Variants in DDX42 observed in about 807,000 individuals in gnomAD.
The protein encoded by DDX42 is DEAD-box helicase 42.
DDX42 carries 22 observed loss-of-function variants against 101.5 expected under a neutral mutation model. That is an observed-to-expected ratio of 0.22 (90% CI 0.15 to 0.31). The LOEUF is 0.31. DDX42 is among the 10% of genes least tolerant of loss of function. DDX42 has a pLI of 1.00. For synonymous variants in DDX42, 402 were observed against 401.2 expected (o/e 1.00, Z -0.02); for missense variants, 849 against 1,199.9 (o/e 0.71, Z 4.32).
chr17:63,801,176 G>T (rs181053509), intron 6 of DDX42, among the ~76,000 whole-genome samples: 315 of 151,582 alleles, frequency 2.1e-3, no homozygotes, highest in African/African-American at 7.3e-3. Context: ...CAGCCTCCTG[G>T]GTAACTGGGA....
intron 2 of DDX42, among the ~76,000 whole-genome samples, chr17:63,788,378 C>A (rs2039576387): frequency 1.4e-5 from 2 of 146,638 alleles, no homozygotes; most frequent in African/African-American, 5.1e-5. Context: ...GCGATCTTGG[C>A]TCACTGCAAC....
At chr17:63,800,718 G>A in intron 6 of DDX42, 101 bp downstream of exon 6, 1 of 1,400,294 alleles carries the variant, frequency 7.1e-7, no homozygotes, top group Non-Finnish European at 9.8e-7. Flanking sequence ...CTTACATCAT[G>A]AGCGTATGCA....
chr17:63,785,660 G>T (rs982122016), intron 1 of DDX42, among the ~76,000 whole-genome samples: 1 of 151,510 alleles, frequency 6.6e-6, no homozygotes, highest in African/African-American at 2.4e-5. Context: ...GTAAGGTATT[G>T]TTTGTAAATT....
At chr17:63,815,731 T>A in intron 16 of DDX42, 58 bp downstream of exon 16, 2 of 1,227,220 alleles carry the variant, frequency 1.6e-6, no homozygotes, top group Non-Finnish European at 2.3e-6. Context: ...CTGAAAGTCA[T>A]TAGGAATATT....
chr17:63,799,221 A>AT lies in DDX42; in HGVS notation c.435-358dup, dbSNP rs372482810. 1.4e-4 allele frequency among the ~76,000 whole-genome samples: 21 copies of AT among 150,558 alleles called. No individual in the cohort carries two copies. In the South Asian group the frequency reaches 2.3e-3, roughly 17 times the overall value. ...CTTTCTAGTATATGCCAAATACAAGATTTTTTTTTTCTTTTTAGTATGAAA... is the reference window on the plus strand; with the variant it reads ...CTTTCTAGTATATGCCAAATACAAGATTTTTTTTTTTCTTTTTAGTATGAAA... On this transcript the variant is annotated intron_variant, in intron 4 of 17. Coordinates refer to ENST00000389924, the MANE Select transcript of DDX42 (RefSeq NM_203499.3).
chr17:63,807,696 G>A (rs779410079), intron 8 of DDX42, 28 bp from the exon 9 acceptor site: 5 of 1,587,758 alleles, frequency 3.1e-6, no homozygotes, highest in South Asian at 2.3e-5. Flanking sequence ...TGAAATTTTA[G>A]AGTGGTTATA....
rs781775890 is a variant in DDX42, at chr17:63,818,083, C to T, written c.2502C>T (p.His834=). The change falls in exon 18 of 18, where the codon CAC becomes CAT. Residue 834 remains histidine, a synonymous_variant. Transcript: ENST00000389924. ...TGNRHSDSPR[H]GDGGRHGDGY... ...ATCGGCATAGCGATAGTCCACGTCA[C>T]GGAGATGGTGGTCGCCATGGAGATG... The T allele has an allele frequency of 8.1e-6, 13 of 1,613,892 alleles. No homozygotes were observed. Among genetic ancestry groups the T allele is most frequent in the Middle Eastern group, 3.3e-4 (2 of 6,062 alleles).
chr17:63,817,505 A>T, intron 17 of DDX42, 189 bp from the exon 18 acceptor site: 3 of 589,674 alleles, frequency 5.1e-6, no homozygotes, highest in Non-Finnish European at 8.9e-6. Flanking sequence ...CCATCTCTCC[A>T]CAGAGATCCA....
intron 2 of DDX42, among the ~76,000 whole-genome samples, chr17:63,790,917 G>C (rs1476164757): frequency 6.6e-6 from 1 of 152,060 alleles, no homozygotes; most frequent in Non-Finnish European, 1.5e-5. Context: ...TGGGCGACAG[G>C]GCGAGGCTGT....
intron 4 of DDX42, 113 bp from the exon 5 acceptor site, chr17:63,799,476 T>A (rs763752832): frequency 2.7e-6 from 3 of 1,108,784 alleles, no homozygotes; most frequent in Non-Finnish European, 4.0e-6. Flanking sequence ...TTTGTTATTA[T>A]TAGTGTTGAG....
At position 63,790,279 on chromosome 17, in the gene DDX42, C is replaced by A. The variant is rs186308709; in HGVS notation, c.222-2133C>A. On this transcript the variant is annotated intron_variant, in intron 2 of 17. Coordinates refer to ENST00000389924, the MANE Select transcript of DDX42 (RefSeq NM_203499.3). ...ATATAGCGTGAGTATGCTATTGCTA[C>A]ATTAGTATACATAACAGTTACTATA... Among the ~76,000 whole-genome samples the A allele has an allele frequency of 7.5e-4, 114 of 152,240 alleles. 2 individuals are homozygous for A. The highest frequency in any genetic ancestry group is 2.7e-3 in the African/African-American group (111 of 41,526).
rs1198946645 is a variant in DDX42, at chr17:63,792,401, C to T, written c.222-11C>T. ...AGCATTCACTTTACCAGTTTGCTTT[C>T]TAATTCTCAGCTATTTTGAAGATGA... On this transcript the variant is annotated splice_polypyrimidine_tract_variant and intron_variant, in intron 2 of 17. Transcript: ENST00000389924. 1 of 1,608,850 alleles carries T rather than the reference C, an allele frequency of 6.2e-7. No individual in the cohort carries two copies. The highest frequency in any genetic ancestry group is 8.5e-7 in the Non-Finnish European group (1 of 1,177,450).
chr17:63,797,212 G>A (rs527521051), intron 3 of DDX42, among the ~76,000 whole-genome samples: 1 of 152,172 alleles, frequency 6.6e-6, no homozygotes, highest in African/African-American at 2.4e-5. Context: ...TTAGCTGGAT[G>A]TGGTGGCTCA....
chr17:63,778,160 A>G (rs1042598121), intron 1 of DDX42, among the ~76,000 whole-genome samples: 4 of 152,104 alleles, frequency 2.6e-5, no homozygotes, highest in African/African-American at 7.2e-5. Context: ...ACACTATGCT[A>G]CTCTACCAAA....
rs2032540130 is a variant in DDX42 at position 63,817,824 on chromosome 17, G to A, written c.2243G>A (p.Gly748Asp). Residue 748 changes from glycine (G) to aspartate (D), a missense_variant, in exon 18 of 18, where the codon GGC becomes GAC. Gly to Asp is a moderately conservative substitution (Grantham distance 94, BLOSUM62 -1). Coordinates refer to ENST00000389924, the MANE Select transcript of DDX42 (RefSeq NM_203499.3). ...GTTCCAACTAACTCAGCACAACAGG[G>A]CCATAACAGTCCTGACAGCCCCGTC... ...NSVPTNSAQQ[G>D]HNSPDSPVTS... is the part of the protein sequence containing the mutation. The A allele has an allele frequency of 6.2e-7, 1 of 1,614,034 alleles. No individual in the cohort carries two copies. The highest frequency in any genetic ancestry group is 8.5e-7 in the Non-Finnish European group (1 of 1,180,038).
intron 6 of DDX42, among the ~76,000 whole-genome samples, chr17:63,804,378 A>G (rs1239261241): frequency 1.3e-5 from 2 of 152,182 alleles, no homozygotes; most frequent in Non-Finnish European, 2.9e-5. Flanking sequence ...TGAAAAGAAT[A>G]ATAGAAGTGA....
At chr17:63,814,736 C>T (rs943669428) in intron 15 of DDX42, among the ~76,000 whole-genome samples, 1 of 129,730 alleles carries the variant, frequency 7.7e-6, no homozygotes, top group African/African-American at 2.9e-5. Context: ...ATCACCCAGG[C>T]TGGAGTGCAG....
chr17:63,792,175 C>T (rs1242875286), intron 2 of DDX42, among the ~76,000 whole-genome samples: 2 of 152,056 alleles, frequency 1.3e-5, no homozygotes, highest in Non-Finnish European at 2.9e-5. Flanking sequence ...CATGATTTGA[C>T]TATACACTAT....
intron 13 of DDX42, 132 bp downstream of exon 13, chr17:63,811,305 G>A (rs1334953202): frequency 5.9e-6 from 4 of 676,680 alleles, no homozygotes; most frequent in Non-Finnish European, 9.2e-6. Flanking sequence ...CTTGAGATTG[G>A]GTATTTTGCA....
Sources: gnomAD v4.1 joint callset for allele counts (sites outside exome capture counted in the v4.1 genomes callset) on GRCh38, gnomAD v4.1.1 for gene constraint, MANE v1.5 for transcripts, NCBI Gene and HGNC (gene_info 2026-07-23, HGNC 2026-07-21) for gene names.